Variants in TC2N observed in about 807,000 individuals in gnomAD.
The protein encoded by TC2N is tandem C2 domains nuclear protein.
In TC2N, 51 loss-of-function variants were observed where a neutral mutation model predicts 61.9. The ratio of observed to expected loss-of-function variants is 0.82; its 90% CI spans 0.66 to 1.04. The LOEUF is 1.04. Among genes scored for constraint, TC2N ranks in the 50% least tolerant of loss-of-function variants. The pLI is 0.00. For synonymous variants in TC2N, 204 were observed against 192.6 expected, an observed-to-expected ratio of 1.06 and a Z score of -0.49; for missense variants, 556 against 566.7, an observed-to-expected ratio of 0.98 and a Z score of 0.19.
At chr14:91,800,446 C>G (rs1886174216) in intron 4 of TC2N, 74 bp from the exon 5 acceptor site, 1 of 762,728 alleles carries the variant, frequency 1.3e-6, no homozygotes, top group Non-Finnish European at 2.1e-6. Flanking sequence ...TGAACTAAAT[C>G]TCTGTAGCAA....
At chr14:91,797,191 T>C (rs1885940277) in intron 8 of TC2N, among the ~76,000 whole-genome samples, 1 of 152,058 alleles carries the variant, frequency 6.6e-6, no homozygotes, top group Admixed American at 6.6e-5. Context: ...AATTTAAATT[T>C]GTATTTCTAT....
intron 1 of TC2N, among the ~76,000 whole-genome samples, chr14:91,827,939 T>C (rs549720066): frequency 6.6e-6 from 1 of 152,360 alleles, no homozygotes; most frequent in African/African-American, 2.4e-5. Flanking sequence ...ATTTTGATTC[T>C]ATCTTGTTAA....
intron 1 of TC2N, among the ~76,000 whole-genome samples, chr14:91,823,545 A>C (rs1002451142): frequency 3.3e-5 from 5 of 151,622 alleles, no homozygotes; most frequent in African/African-American, 1.2e-4. Context: ...AGAAAAAAGA[A>C]ATCATTTTAT....
At chr14:91,793,849 C>A (rs1427028140) in intron 8 of TC2N, among the ~76,000 whole-genome samples, 1 of 152,096 alleles carries the variant, frequency 6.6e-6, no homozygotes, top group Admixed American at 6.5e-5. Flanking sequence ...ACGTACATCT[C>A]CGACTTTAAA....
intron 7 of TC2N, among the ~76,000 whole-genome samples, 164 bp from the exon 8 acceptor site, chr14:91,798,065 T>G (rs1885999359): frequency 6.6e-6 from 1 of 151,988 alleles, no homozygotes; most frequent in Non-Finnish European, 1.5e-5. Context: ...ACATATAATA[T>G]TCTAGATGTT....
In TC2N at chr14:91,810,991, T is replaced by A. The variant is rs572003138; in HGVS notation, c.301+1321A>T. 3.0e-4 allele frequency among the ~76,000 whole-genome samples: 45 copies of A among 152,160 alleles called. 1 individual carries two copies. The highest frequency in any genetic ancestry group is 2.3e-3 in the Admixed American group (35 of 15,278). On this transcript the variant is annotated intron_variant, in intron 3 of 11. Transcript: ENST00000435962. ...AAAATATTTGGACAAATATTGTAGA[T>A]CTTGATAGAGATTTGGATTACACTG... is the stretch of plus-strand genomic sequence containing the variant.
Position 91,812,377 on chromosome 14 carries a change from T to C in TC2N, c.236A>G (p.Lys79Arg). ...DGKEVPFVVP[K>R]FKLSYIQPRT... ...GGGTTGAATGTAAGATAACTTAAAC[T>C]TGGGCACCACAAATGGTACTTCTTT... is the stretch of plus-strand genomic sequence containing the variant. Residue 79 changes from lysine to arginine, a missense_variant, in exon 3 of 12, where the codon AAG becomes AGG. Lys to Arg is a conservative substitution (Grantham distance 26). Coordinates refer to ENST00000435962, the MANE Select transcript of TC2N (RefSeq NM_001128596.3). 6 of 1,612,866 alleles carry C rather than the reference T, an allele frequency of 3.7e-6. No homozygotes were observed. Among genetic ancestry groups the C allele is most frequent in the Non-Finnish European group, 5.1e-6 (6 of 1,179,196 alleles).
chr14:91,820,329 T>C (rs1184640013), intron 1 of TC2N, among the ~76,000 whole-genome samples: 1 of 152,038 alleles, frequency 6.6e-6, no homozygotes, highest in Non-Finnish European at 1.5e-5. Flanking sequence ...CATCTGATAA[T>C]CAATTCATGT....
rs183234433 is a variant in TC2N, at chr14:91,862,668, C to T, written c.-57+4594G>A. ...AAGGAGCCACTTCCTCTCCTCCCTGCGGCCTGCCCCATCCCTGCAGTCACT... is the reference window on the plus strand; with the variant it reads ...AAGGAGCCACTTCCTCTCCTCCCTGTGGCCTGCCCCATCCCTGCAGTCACT... On this transcript the variant is annotated intron_variant, in intron 1 of 11. Coordinates refer to ENST00000435962, the MANE Select transcript of TC2N (RefSeq NM_001128596.3). Among the ~76,000 whole-genome samples the T allele has an allele frequency of 3.0e-4, 45 of 152,336 alleles. 1 individual carries two copies. Among genetic ancestry groups the T allele is most frequent in the African/African-American group, 7.5e-4 (31 of 41,570 alleles).
At chr14:91,806,143 TCCA>T (rs1243023377) in intron 3 of TC2N, among the ~76,000 whole-genome samples, 1 of 152,132 alleles carries the variant, frequency 6.6e-6, no homozygotes, top group Non-Finnish European at 1.5e-5. Context: ...TCTTTCTCCT[TCCA>T]CCATGATTGT....
chr14:91,783,975 C>A (rs2139817461), intron 11 of TC2N, among the ~76,000 whole-genome samples: 2 of 152,144 alleles, frequency 1.3e-5, no homozygotes, highest in South Asian at 4.2e-4. Flanking sequence ...TGAAATCTTA[C>A]AAATAATCCC....
At chr14:91,818,867 A>C (rs1887123145) in intron 1 of TC2N, among the ~76,000 whole-genome samples, 1 of 152,170 alleles carries the variant, frequency 6.6e-6, no homozygotes, top group African/African-American at 2.4e-5. Context: ...AAAATGATAA[A>C]AAGCATCTGT....
chr14:91,830,537 T>C (rs182484279), intron 1 of TC2N, among the ~76,000 whole-genome samples: 23 of 152,222 alleles, frequency 1.5e-4, no homozygotes, highest in Admixed American at 2.0e-4. Flanking sequence ...TGGTTGCCAG[T>C]GACTGAGAAG....
At chr14:91,787,305 G>A (rs1347624875) in intron 10 of TC2N, among the ~76,000 whole-genome samples, 1 of 152,048 alleles carries the variant, frequency 6.6e-6, no homozygotes, top group Admixed American at 6.5e-5. Flanking sequence ...AGGCAGAGAG[G>A]TCATAACTGG....
intron 1 of TC2N, among the ~76,000 whole-genome samples, chr14:91,836,936 TACTTG>T (rs1290969334): frequency 6.6e-6 from 1 of 152,214 alleles, no homozygotes; most frequent in Admixed American, 6.5e-5. Context: ...GTCATGTTGT[TACTTG>T]ACTTTTAGAG....
At chr14:91,787,467 A>G in intron 10 of TC2N, 46 bp downstream of exon 10, 1 of 1,118,610 alleles carries the variant, frequency 8.9e-7, no homozygotes, top group Non-Finnish European at 1.3e-6. Flanking sequence ...ACTTTCTATT[A>G]CTAATACTTT....
chr14:91,830,174 C>T (rs568177775), intron 1 of TC2N, among the ~76,000 whole-genome samples: 2 of 152,250 alleles, frequency 1.3e-5, no homozygotes, highest in South Asian at 4.1e-4. Flanking sequence ...CCATATGACC[C>T]AGGAATTCTA....
intron 1 of TC2N, chr14:91,866,151 TC>T (rs1888697854): frequency 6.6e-6 from 1 of 152,190 alleles, no homozygotes; most frequent in African/African-American, 2.4e-5. Flanking sequence ...AAGTCTTCTC[TC>T]TGTGGGTGAC....
chr14:91,866,372 G>T (rs1417764279), intron 1 of TC2N: 1 of 152,204 alleles, frequency 6.6e-6, no homozygotes, highest in African/African-American at 2.4e-5. Flanking sequence ...TGGATTTTGT[G>T]CCAATTAGAA....
Sources: gnomAD v4.1 joint callset for allele counts (sites outside exome capture counted in the v4.1 genomes callset) on GRCh38, gnomAD v4.1.1 for gene constraint, MANE v1.5 for transcripts, NCBI Gene and HGNC (gene_info 2026-07-23, HGNC 2026-07-21) for gene names.